The following MITF variants were observed in gnomAD, a reference collection of about 807,000 sequenced individuals.
MITF encodes melanocyte inducing transcription factor.
Under a neutral mutation model 60.5 loss-of-function variants are expected in MITF, and 17 were observed. The ratio of observed to expected loss-of-function variants is 0.28; its 90% confidence interval spans 0.19 to 0.42. The LOEUF is 0.42. Among genes scored for constraint, MITF ranks in the 10% least tolerant of loss-of-function variants. The pLI is 1.00. For synonymous variants in MITF, 260 were observed against 248.5 expected (o/e 1.05, Z -0.43); for missense variants, 622 against 683.5 (o/e 0.91, Z 1.00).
intron 2 of MITF, 126 bp downstream of exon 2, chr3:69,879,509 A>T (rs570187360): frequency 6.7e-7 from 1 of 1,493,368 alleles, no homozygotes; most frequent in East Asian, 2.4e-5. Flanking sequence ...GAAAACTCCA[A>T]CTCCCTTAAT....
At chr3:69,789,197 G>C (rs1157144052) in intron 1 of MITF, among the ~76,000 whole-genome samples, 1 of 152,108 alleles carries the variant, frequency 6.6e-6, no homozygotes, top group Non-Finnish European at 1.5e-5. Flanking sequence ...AGACTGCAGA[G>C]ACAAACTGCA....
At chr3:69,853,453 ATAT>A (rs965883134) in intron 1 of MITF, among the ~76,000 whole-genome samples, 8 of 152,096 alleles carry the variant, frequency 5.3e-5, no homozygotes, top group African/African-American at 1.7e-4. Flanking sequence ...ACAATATTCA[ATAT>A]TATTATTATT....
chr3:69,807,090 G>C (rs1255195773), intron 1 of MITF, among the ~76,000 whole-genome samples: 1 of 152,154 alleles, frequency 6.6e-6, no homozygotes, highest in Non-Finnish European at 1.5e-5. Flanking sequence ...CTTCTTGGCT[G>C]GGGGAGCCCT....
chr3:69,872,551 A>G (rs564827559), intron 1 of MITF, among the ~76,000 whole-genome samples: 1 of 152,348 alleles, frequency 6.6e-6, no homozygotes, highest in Admixed American at 6.5e-5. Flanking sequence ...TATAAAATAT[A>G]TATGAAGAAA....
At chr3:69,781,762 G>A (rs1035959302) in intron 1 of MITF, among the ~76,000 whole-genome samples, 6 of 152,204 alleles carry the variant, frequency 3.9e-5, no homozygotes, top group African/African-American at 1.4e-4. Flanking sequence ...AGCCACAGCA[G>A]CAGGTGTTGG....
At chr3:69,807,204 T>G (rs2063024237) in intron 1 of MITF, among the ~76,000 whole-genome samples, 1 of 152,218 alleles carries the variant, frequency 6.6e-6, no homozygotes, top group Non-Finnish European at 1.5e-5. Context: ...CTCTTTTATT[T>G]ACAATTCCTG....
intron 1 of MITF, among the ~76,000 whole-genome samples, chr3:69,811,731 G>A (rs2063103439): frequency 6.6e-6 from 1 of 152,178 alleles, no homozygotes; most frequent in South Asian, 2.1e-4. Context: ...TATCATCTGG[G>A]AAGCATAGAA....
chr3:69,900,622 G>T (rs1346575769), intron 2 of MITF, among the ~76,000 whole-genome samples: 4 of 152,176 alleles, frequency 2.6e-5, no homozygotes, highest in African/African-American at 9.7e-5. Flanking sequence ...GGAGGCAGAA[G>T]CCTGCAGCCA....
At chr3:69,746,443 GA>G (rs147991331) in intron 1 of MITF, among the ~76,000 whole-genome samples, 1,889 of 150,990 alleles carry the variant, frequency 0.013, 32 homozygotes, top group African/African-American at 0.044. Context: ...TAAATAATAG[GA>G]AAAAAAAATC....
intron 1 of MITF, chr3:69,866,284 A>G (rs767506709): frequency 1.2e-6 from 2 of 1,613,190 alleles, no homozygotes; most frequent in Admixed American, 3.3e-5. Context: ...ACCTTAAAGG[A>G]AAAAAGATGG....
chr3:69,890,441 A>G (rs1203556900), intron 2 of MITF, among the ~76,000 whole-genome samples: 11 of 152,172 alleles, frequency 7.2e-5, no homozygotes. Flanking sequence ...TTGCGAATAT[A>G]TGAGCATTTA....
chr3:69,861,193 T>TA (rs1208134237), intron 1 of MITF, among the ~76,000 whole-genome samples: 1 of 152,250 alleles, frequency 6.6e-6, no homozygotes, highest in African/African-American at 2.4e-5. Context: ...AATTAAATGC[T>TA]ACCCTCAAAT....
chr3:69,832,407 T>A (rs2063464467), intron 1 of MITF, among the ~76,000 whole-genome samples: 1 of 152,218 alleles, frequency 6.6e-6, no homozygotes, highest in Admixed American at 6.5e-5. Flanking sequence ...GCCAAACATC[T>A]ACTATGTGTT....
intron 1 of MITF, among the ~76,000 whole-genome samples, chr3:69,847,342 C>T (rs2063749488): frequency 6.6e-6 from 1 of 152,218 alleles, no homozygotes; most frequent in African/African-American, 2.4e-5. Context: ...AGACATCATA[C>T]ATTCTGCCTG....
rs1167651672 is a variant in MITF at position 69,938,035 on chromosome 3, A to G, written c.568A>G (p.Asn190Asp). 6.2e-7 allele frequency: 1 copy of G among 1,614,090 alleles called. No individual in the cohort carries two copies. The highest frequency in any genetic ancestry group is 8.5e-7 in the Non-Finnish European group (1 of 1,179,966). Residue 190 changes from asparagine to aspartate, a missense_variant, in exon 3 of 10, where the codon AAC (asparagine) becomes GAC (aspartate). By Grantham distance (23) the Asn-to-Asp change is conservative (BLOSUM62 1). Coordinates refer to ENST00000352241, the MANE Select transcript of MITF (RefSeq NM_001354604.2). ...SPMAMLTLNS[N>D]CEKEGFYKFE... ...CATGGCTATGCTTACGCTTAACTCC[A>G]ACTGTGAAAAAGAGGTAATTCATGT...
intron 1 of MITF, among the ~76,000 whole-genome samples, chr3:69,743,823 C>A (rs889463643): frequency 6.6e-6 from 1 of 152,210 alleles, no homozygotes; most frequent in Non-Finnish European, 1.5e-5. Flanking sequence ...CAGAGGAAGT[C>A]TCTACAGGTC....
intron 1 of MITF, chr3:69,763,520 G>T: frequency 9.1e-7 from 1 of 1,096,930 alleles, no homozygotes; most frequent in Non-Finnish European, 1.1e-6. Context: ...GCCAGCTCCT[G>T]CTGCCAAGGA....
intron 1 of MITF, among the ~76,000 whole-genome samples, chr3:69,776,432 G>C (rs1305236463): frequency 5.3e-5 from 8 of 152,186 alleles, no homozygotes; most frequent in Admixed American, 1.3e-4. Context: ...GGGCCATCTT[G>C]GGCTGGTTAC....
In MITF at chr3:69,879,295, G is replaced by T. The variant is rs2107277677; in HGVS notation, c.266G>T (p.Arg89Ile). The change falls in exon 2 of 10, where the codon AGA becomes ATA. Residue 89 changes from arginine (R) to isoleucine (I), a missense_variant. Arg to Ile is a moderately conservative substitution (Grantham distance 97). Coordinates refer to ENST00000352241, the MANE Select transcript of MITF (RefSeq NM_001354604.2). ...CAGGCGGCCCAGTTCATGCAACAGA[G>T]AGTGCCCGTGAGTCAGACACCAGCC... is the stretch of plus-strand genomic sequence containing the variant. ...KLQAAQFMQQ[R>I]VPVSQTPAIN... 6.2e-7 allele frequency: 1 copy of T among 1,614,198 alleles called. No individual in the cohort carries two copies. The highest frequency in any genetic ancestry group is 8.5e-7 in the Non-Finnish European group (1 of 1,180,044).
Sources: gnomAD v4.1 joint callset for allele counts (sites outside exome capture counted in the v4.1 genomes callset) on GRCh38, gnomAD v4.1.1 for gene constraint, MANE v1.5 for transcripts, NCBI Gene and HGNC (gene_info 2026-07-23, HGNC 2026-07-21) for gene names.